Variants in PRRT1B observed in about 807,000 individuals in gnomAD.
The protein encoded by PRRT1B is proline rich transmembrane protein 1B.
intron 1 of PRRT1B, 56 bp from the exon 2 acceptor site, chr9:131,554,501 G>T: frequency 5.3e-6 from 2 of 376,038 alleles, no homozygotes; most frequent in South Asian, 2.7e-4. Context: ...CGGGACCAGC[G>T]ACGTCCCACC....
At chr9:131,546,085 G>A (rs966574799) in intron 1 of PRRT1B, among the ~76,000 whole-genome samples, 1 of 152,146 alleles carries the variant, frequency 6.6e-6, no homozygotes, top group African/African-American at 2.4e-5. Flanking sequence ...AGGGGGCAGC[G>A]GCGGTTCATT....
At chr9:131,555,984 C>A in intron 2 of PRRT1B, 86 bp from the exon 3 acceptor site, 1 of 398,756 alleles carries the variant, frequency 2.5e-6, no homozygotes, top group Non-Finnish European at 4.4e-6. Context: ...AGTGAGAGAG[C>A]TTGCATGGCC....
At chr9:131,558,445 G>C (rs1951064535) in exon 4 of PRRT1B, 1 of 361,128 alleles carries the variant, frequency 2.8e-6, no homozygotes, top group African/African-American at 2.1e-5. Flanking sequence ...GGTGTCTCCA[G>C]AGCCCGGCCC....
At chr9:131,555,830 T>C (rs1588551836) in intron 2 of PRRT1B, among the ~76,000 whole-genome samples, 1 of 151,872 alleles carries the variant, frequency 6.6e-6, no homozygotes, top group East Asian at 1.9e-4. Context: ...GAGCCAATGG[T>C]AGAGGGCAGG....
At chr9:131,548,196 G>C (rs1414954215) in intron 1 of PRRT1B, among the ~76,000 whole-genome samples, 2 of 151,728 alleles carry the variant, frequency 1.3e-5, no homozygotes, top group African/African-American at 2.4e-5. Context: ...CCACTTTCCT[G>C]GGGGGACAAG....
exon 2 of PRRT1B, chr9:131,554,557 G>A (rs1951033552): frequency 2.5e-6 from 1 of 395,352 alleles, no homozygotes; most frequent in African/African-American, 2.1e-5. Context: ...TTCTTTCTAG[G>A]GTCCGACACG....
At position 131,552,302 on chromosome 9, in the gene PRRT1B, A is replaced by G. The variant is rs148353408; in HGVS notation, c.26-2255A>G. Among the ~76,000 whole-genome samples the G allele has an allele frequency of 2.6e-5, 4 of 152,286 alleles. No homozygotes were observed. In the East Asian group the frequency reaches 7.7e-4, roughly 29 times the overall value. On this transcript the variant is annotated intron_variant, in intron 1 of 3. Transcript: ENST00000636672. ...CCACAATGTCTGGCCAAGTGTGTTT[A>G]CCTTGACCTCATGGAGCATGGTTAT... is the stretch of plus-strand genomic sequence containing the variant.
At chr9:131,556,092 T>C in exon 3 of PRRT1B, 1 of 401,070 alleles carries the variant, frequency 2.5e-6, no homozygotes, top group Middle Eastern at 3.1e-4. Context: ...ATGGCTGGCG[T>C]GCCAGGCCCT....
intron 1 of PRRT1B, among the ~76,000 whole-genome samples, chr9:131,553,335 C>T (rs1472871688): frequency 6.6e-6 from 1 of 152,226 alleles, no homozygotes; most frequent in Admixed American, 6.5e-5. Flanking sequence ...TTTAAAGCTT[C>T]TGCTTACAAA....
chr9:131,549,727 G>A (rs1279503823), intron 1 of PRRT1B, among the ~76,000 whole-genome samples: 1 of 152,132 alleles, frequency 6.6e-6, no homozygotes, highest in African/African-American at 2.4e-5. Flanking sequence ...ACTGTTGTAG[G>A]TATTGACAGC....
At chr9:131,548,669 T>G (rs1289003751) in intron 1 of PRRT1B, among the ~76,000 whole-genome samples, 10 of 152,186 alleles carry the variant, frequency 6.6e-5, no homozygotes, top group Non-Finnish European at 1.5e-4. Flanking sequence ...CAAGCGTCAC[T>G]GAGTCTTTTG....
At chr9:131,558,099 C>T in exon 4 of PRRT1B, 1 of 400,704 alleles carries the variant, frequency 2.5e-6, no homozygotes. Context: ...GCTGAGGAGG[C>T]CTCGCGGAAG....
At chr9:131,552,260 C>A (rs79249504) in intron 1 of PRRT1B, among the ~76,000 whole-genome samples, 1,823 of 152,256 alleles carry the variant, frequency 0.012, 32 homozygotes, top group African/African-American at 0.042. Context: ...AGCTCACTGC[C>A]CCCTCCTGTG....
intron 1 of PRRT1B, among the ~76,000 whole-genome samples, chr9:131,550,241 C>T (rs1259699335): frequency 6.6e-6 from 1 of 152,154 alleles, no homozygotes; most frequent in African/African-American, 2.4e-5. Flanking sequence ...TTTGTCTATC[C>T]ACCCCGTGAT....
At chr9:131,548,288 C>A (rs115624598) in intron 1 of PRRT1B, among the ~76,000 whole-genome samples, 6 of 152,130 alleles carry the variant, frequency 3.9e-5, no homozygotes, top group African/African-American at 1.4e-4. Flanking sequence ...TCTTTTTAAA[C>A]TTGTCTCCTT....
intron 1 of PRRT1B, among the ~76,000 whole-genome samples, chr9:131,550,989 C>G (rs28767468): frequency 0.63 from 84,082 of 134,330 alleles, 26,534 homozygotes; most frequent in African/African-American, 0.78. Context: ...GTTTCCCAGG[C>G]TGGAGTGCAG....
At chr9:131,550,939 C>CTT (rs546049217) in intron 1 of PRRT1B, among the ~76,000 whole-genome samples, 2 of 75,994 alleles carry the variant, frequency 2.6e-5, no homozygotes, top group Non-Finnish European at 2.4e-5. Flanking sequence ...TTTTCTTTTT[C>CTT]TTTTTTTTTT....
exon 4 of PRRT1B, chr9:131,558,529 T>G: frequency 4.5e-6 from 1 of 223,314 alleles, no homozygotes; most frequent in East Asian, 9.0e-5. Flanking sequence ...GGGACTCCTC[T>G]TGCCTTCATC....
chr9:131,547,008 G>C (rs1001098631), intron 1 of PRRT1B, among the ~76,000 whole-genome samples: 101 of 151,260 alleles, frequency 6.7e-4, no homozygotes, highest in African/African-American at 2.3e-3. Context: ...AAGCGCGCCC[G>C]AGATGACGCG....
Sources: allele counts gnomAD v4.1 joint callset (sites outside exome capture counted in the v4.1 genomes callset), GRCh38; gene constraint gnomAD v4.1.1; transcripts MANE v1.5; gene names NCBI Gene and HGNC (gene_info 2026-07-23, HGNC 2026-07-21).